GABRG2: variants seen among roughly 807,000 people sequenced by gnomAD.
GABRG2 encodes gamma-aminobutyric acid type A receptor subunit gamma2.
GABRG2 carries 16 observed loss-of-function variants against 56.4 expected under a neutral mutation model. The ratio of observed to expected loss-of-function variants is 0.28; its 90% CI spans 0.19 to 0.43. The LOEUF (loss-of-function observed/expected upper bound fraction) is 0.43, where lower values mean the gene tolerates loss of function less well. Among genes scored for constraint, GABRG2 ranks in the 20% least tolerant of loss-of-function variants. The probability of loss-of-function intolerance (pLI) is 1.00; values close to 1 mark genes in which losing one functional copy is unlikely to be tolerated. For synonymous variants in GABRG2, 208 were observed against 205.5 expected (o/e 1.01, Z -0.10); for missense variants, 327 against 582.7 (o/e 0.56, Z 4.52).
intron 1 of GABRG2, among the ~76,000 whole-genome samples, chr5:162,084,727 A>T (rs1759924274): frequency 6.6e-6 from 1 of 151,870 alleles, no homozygotes; most frequent in Admixed American, 6.6e-5. Flanking sequence ...AATACAAAGT[A>T]TTTCCTACTT....
At chr5:162,110,403 A>C (rs1465069545) in intron 6 of GABRG2, among the ~76,000 whole-genome samples, 1 of 152,068 alleles carries the variant, frequency 6.6e-6, no homozygotes, top group Admixed American at 6.6e-5. Flanking sequence ...TACCAAGTTC[A>C]AGTCCAACCT....
At chr5:162,080,440 A>G (rs545656518) in intron 1 of GABRG2, among the ~76,000 whole-genome samples, 1 of 152,274 alleles carries the variant, frequency 6.6e-6, no homozygotes, top group African/African-American at 2.4e-5. Context: ...AGGATCCCCA[A>G]AGAAATAAGC....
intron 1 of GABRG2, among the ~76,000 whole-genome samples, chr5:162,070,009 A>G (rs889392908): frequency 2.0e-5 from 3 of 152,204 alleles, no homozygotes; most frequent in East Asian, 1.9e-4. Context: ...AATATTATGT[A>G]TTTTCTCTCC....
rs758965402 is a variant in GABRG2 at position 162,154,244 on chromosome 5, G to A, written c.*876G>A. The A allele has an allele frequency of 2.0e-5, 3 of 152,184 alleles. No homozygotes were observed. Among genetic ancestry groups the A allele is most frequent in the African/African-American group, 4.8e-5 (2 of 41,540 alleles). The allele number at this position is 152,184 out of a possible 1,614,324, so 9.4% of individuals were successfully genotyped here. A position where few individuals can be genotyped will look rare whatever the true frequency, so the allele number is the denominator to read the frequency against. ...TATAAAGTAATTGTATGTGCTTGCC[G>A]CTATTTTTTTCTTCCTTTTAGGATG... On this transcript the variant is annotated 3_prime_UTR_variant, in exon 10 of 10. Transcript: ENST00000639213.
chr5:162,127,394 A>T (rs80022355), intron 6 of GABRG2, among the ~76,000 whole-genome samples: 3,105 of 151,950 alleles, frequency 0.02, 114 homozygotes, highest in East Asian at 0.19. Context: ...TCATCTAATC[A>T]CCTATATGGT....
In GABRG2 at chr5:162,117,371, AT is replaced by A. The variant is rs1762689005; in HGVS notation, c.769+13346del. Among the ~76,000 whole-genome samples, 3 of 152,182 alleles carry A rather than the reference AT, an allele frequency of 2.0e-5. No homozygotes were observed. The South Asian group carries it at 6.2e-4, about 31-fold the overall frequency. ...TGTCAGTAGGAGGAAGTAATTGAAAATGATTTAATAAAGAATGGCTACAAAA... is the reference window on the plus strand; with the variant it reads ...TGTCAGTAGGAGGAAGTAATTGAAAAGATTTAATAAAGAATGGCTACAAAA... On this transcript the variant is annotated intron_variant, in intron 6 of 9. Coordinates refer to ENST00000639213, the MANE Select transcript of GABRG2 (RefSeq NM_198904.4).
In GABRG2 at chr5:162,154,946, A is replaced by G. The variant is rs545350783; in HGVS notation, c.*1578A>G. 4 of 152,264 alleles carry G rather than the reference A, an allele frequency of 2.6e-5. No homozygotes were observed. Among genetic ancestry groups the G allele is most frequent in the African/African-American group, 9.6e-5 (4 of 41,564 alleles). The allele number at this position is 152,264 out of a possible 1,614,324, so 9.4% of individuals were successfully genotyped here. ...CTTAAAACATGATGAGTTGAGCTCT[A>G]TCTTCATGTACTCATCCTGAATCCT... On this transcript the variant is annotated 3_prime_UTR_variant, in exon 10 of 10. Coordinates refer to ENST00000639213, the MANE Select transcript of GABRG2 (RefSeq NM_198904.4).
chr5:162,095,066 C>A, intron 2 of GABRG2, among the ~76,000 whole-genome samples: 1 of 152,092 alleles, frequency 6.6e-6, no homozygotes, highest in East Asian at 1.9e-4. Context: ...ATGTCCACTT[C>A]ATGTTCTGAA....
At chr5:162,124,518 C>T (rs529063240) in intron 6 of GABRG2, among the ~76,000 whole-genome samples, 1 of 151,666 alleles carries the variant, frequency 6.6e-6, no homozygotes, top group Non-Finnish European at 1.5e-5. Flanking sequence ...GGAAGGAATG[C>T]GGCAATGCAC....
intron 7 of GABRG2, among the ~76,000 whole-genome samples, chr5:162,145,619 T>A (rs1764897450): frequency 6.6e-6 from 1 of 152,226 alleles, no homozygotes; most frequent in Non-Finnish European, 1.5e-5. Flanking sequence ...TACTTCTACA[T>A]GGCTTTGATG....
intron 7 of GABRG2, among the ~76,000 whole-genome samples, chr5:162,143,124 G>A (rs1764704434): frequency 6.6e-6 from 1 of 152,110 alleles, no homozygotes; most frequent in Non-Finnish European, 1.5e-5. Flanking sequence ...TTGGTATTCG[G>A]TGATGCCACA....
In GABRG2 at chr5:162,153,112, G is replaced by A. The variant is rs528036202; in HGVS notation, c.1172G>A (p.Arg391His). Residue 391 changes from arginine to histidine, a missense_variant, in exon 10 of 10, where the codon CGC becomes CAC. Transcript: ENST00000639213. Reference protein sequence around the residue: ...FSFKAPTIDIRPRSATIQMNN... With the variant: ...FSFKAPTIDIHPRSATIQMNN... ...TCCCAGGCCCCTACCATTGATATCC[G>A]CCCAAGATCAGCAACCATTCAAATG... 1.5e-5 allele frequency: 25 copies of A among 1,613,830 alleles called. No homozygotes were observed. The highest frequency in any genetic ancestry group is 8.3e-5 in the Admixed American group (5 of 59,978).
chr5:162,095,139 C>T (rs1021298085), intron 2 of GABRG2, among the ~76,000 whole-genome samples: 1 of 152,082 alleles, frequency 6.6e-6, no homozygotes, highest in African/African-American at 2.4e-5. Context: ...CAGGGACATG[C>T]TCAAGTCAAT....
chr5:162,078,368 ACTATATATAT>A (rs1561636120), intron 1 of GABRG2, among the ~76,000 whole-genome samples: 1 of 63,968 alleles, frequency 1.6e-5, no homozygotes, highest in South Asian at 7.2e-4. Context: ...AGAGCATCTT[ACTATATATAT>A]ATATATATAT....
intron 6 of GABRG2, among the ~76,000 whole-genome samples, chr5:162,129,028 T>A (rs918076429): frequency 6.6e-6 from 1 of 152,074 alleles, no homozygotes; most frequent in African/African-American, 2.4e-5. Flanking sequence ...AGTTGGCATA[T>A]CTTTTATTTA....
chr5:162,076,146 C>T lies in GABRG2; in HGVS notation c.107+8040C>T, dbSNP rs377594842. On this transcript the variant is annotated intron_variant, in intron 1 of 9. Coordinates refer to ENST00000639213, the MANE Select transcript of GABRG2 (RefSeq NM_198904.4). ...AAGCCTGGGTGACAGAGTGAGACCC[C>T]GTCTCAAATAAAAAGGAAGATAATA... Among the ~76,000 whole-genome samples, 85 of 151,976 alleles carry T rather than the reference C, an allele frequency of 5.6e-4. 1 individual carries two copies. The South Asian group carries it at 0.014, about 25-fold the overall frequency.
At chr5:162,105,847 C>CACACACCAT (rs759091506) in intron 6 of GABRG2, among the ~76,000 whole-genome samples, 11 of 115,854 alleles carry the variant, frequency 9.5e-5, no homozygotes, top group Non-Finnish European at 1.8e-4. Context: ...ACACACACCA[C>CACACACCAT]GTAAAATTAA....
chr5:162,124,949 T>A (rs1763224248), intron 6 of GABRG2, among the ~76,000 whole-genome samples: 1 of 140,990 alleles, frequency 7.1e-6, no homozygotes, highest in Admixed American at 7.2e-5. Context: ...TTCTTTCTGG[T>A]ATAAAGAGAT....
intron 3 of GABRG2, among the ~76,000 whole-genome samples, chr5:162,096,401 C>A (rs960170740): frequency 8.5e-5 from 13 of 152,048 alleles, no homozygotes; most frequent in African/African-American, 3.1e-4. Flanking sequence ...GTCCCCAGAA[C>A]TGTTCTAGGA....
Sources: gnomAD v4.1 joint callset for allele counts (sites outside exome capture counted in the v4.1 genomes callset) on GRCh38, gnomAD v4.1.1 for gene constraint, MANE v1.5 for transcripts, NCBI Gene and HGNC (gene_info 2026-07-23, HGNC 2026-07-21) for gene names.